The following LPCAT3 variants were observed in gnomAD, a reference collection of about 807,000 sequenced individuals.
The protein encoded by LPCAT3 is lysophospholipid acyltransferase 5.
In LPCAT3, 21 loss-of-function variants were observed where a neutral mutation model predicts 63.4. The observed-to-expected ratio is 0.33, with a 90% CI of 0.23 to 0.48. The LOEUF (loss-of-function observed/expected upper bound fraction) is 0.48, where lower values mean the gene tolerates loss of function less well. LPCAT3 is among the 20% of genes least tolerant of loss of function. LPCAT3 has a pLI of 0.99. For synonymous variants in LPCAT3, 242 were observed against 227.5 expected, an observed-to-expected ratio of 1.06 and a Z score of -0.58; for missense variants, 451 against 590.6, an observed-to-expected ratio of 0.76 and a Z score of 2.45.
chr12:6,981,185 A>G lies in LPCAT3; in HGVS notation c.499-3T>C, dbSNP rs781946594. 1 of 1,604,002 alleles carries G rather than the reference A, an allele frequency of 6.2e-7. No homozygotes were observed. Among genetic ancestry groups the G allele is most frequent in the Non-Finnish European group, 8.5e-7 (1 of 1,175,462 alleles). ...TGTTGCTCAGAGGACAAGGAATTCTATGCCAAGAAGAGAATGCATGGTTCA... is the reference window on the plus strand; with the variant it reads ...TGTTGCTCAGAGGACAAGGAATTCTGTGCCAAGAAGAGAATGCATGGTTCA... On this transcript the variant is annotated splice_polypyrimidine_tract_variant and splice_region_variant and intron_variant, in intron 5 of 12. Coordinates refer to ENST00000261407, the MANE Select transcript of LPCAT3 (RefSeq NM_005768.6).
intron 2 of LPCAT3, 154 bp from the exon 3 acceptor site, chr12:6,982,936 T>C (rs1001911356): frequency 3.0e-6 from 2 of 667,162 alleles, no homozygotes; most frequent in African/African-American, 3.7e-5. Context: ...GGAAATTATT[T>C]ATTAAAATAA....
At chr12:6,996,808 C>T (rs1946639194) in intron 1 of LPCAT3, among the ~76,000 whole-genome samples, 1 of 152,164 alleles carries the variant, frequency 6.6e-6, no homozygotes, top group Admixed American at 6.5e-5. Context: ...CAATCTCGAC[C>T]ACAGTGGTCG....
rs1231469366 is a variant in LPCAT3 at position 7,009,353 on chromosome 12, G to A, written c.151+8921C>T. Among the ~76,000 whole-genome samples, 6 of 152,160 alleles carry A rather than the reference G, an allele frequency of 3.9e-5. No homozygotes were observed. In the South Asian group the frequency reaches 1.0e-3, roughly 26 times the overall value. On this transcript the variant is annotated intron_variant, in intron 1 of 12. Transcript: ENST00000261407. Reference sequence around the variant, plus strand: ...TGGGATTACAGGCGTGAGCCACCGCGCCTGGCCAATGACATTCCAAAAAGG... The same window carrying A: ...TGGGATTACAGGCGTGAGCCACCGCACCTGGCCAATGACATTCCAAAAAGG...
chr12:6,995,786 C>T (rs1946631453), intron 1 of LPCAT3, among the ~76,000 whole-genome samples: 2 of 152,168 alleles, frequency 1.3e-5, no homozygotes, highest in Admixed American at 6.6e-5. Flanking sequence ...GTCAGCAATC[C>T]TGTCTGTTCT....
chr12:6,979,141 G>A (rs946648255), intron 7 of LPCAT3: 1 of 356,704 alleles, frequency 2.8e-6, no homozygotes, highest in South Asian at 4.2e-5. Context: ...AAATGTATCA[G>A]TCAAGAGAAG....
At chr12:7,004,820 A>G (rs782751171) in intron 1 of LPCAT3, among the ~76,000 whole-genome samples, 1 of 152,204 alleles carries the variant, frequency 6.6e-6, no homozygotes. Context: ...CCTACGATCT[A>G]TAAGATGAAA....
intron 1 of LPCAT3, among the ~76,000 whole-genome samples, chr12:7,012,655 A>G (rs1237780686): frequency 2.0e-5 from 3 of 152,164 alleles, no homozygotes; most frequent in African/African-American, 7.2e-5. Flanking sequence ...GTCAGTTATG[A>G]TACCAATACT....
At chr12:6,991,863 G>A (rs1946592966) in intron 1 of LPCAT3, among the ~76,000 whole-genome samples, 1 of 152,042 alleles carries the variant, frequency 6.6e-6, no homozygotes, top group African/African-American at 2.4e-5. Flanking sequence ...CAGCAGAGGC[G>A]GTTTATGCAT....
At chr12:6,979,372 G>T (rs1181712220) in intron 7 of LPCAT3, 99 bp downstream of exon 7, 4 of 866,142 alleles carry the variant, frequency 4.6e-6, no homozygotes, top group Non-Finnish European at 7.5e-6. Context: ...TGCACTTGTA[G>T]ATGATATTTC....
intron 1 of LPCAT3, among the ~76,000 whole-genome samples, chr12:6,999,913 ATTC>A: frequency 8.4e-6 from 1 of 119,220 alleles, no homozygotes; most frequent in South Asian, 2.5e-4. Flanking sequence ...AATTACTTAC[ATTC>A]TTTTTTTTTT....
intron 1 of LPCAT3, chr12:7,001,489 A>C (rs1555156496): frequency 2.2e-6 from 1 of 455,916 alleles, no homozygotes; most frequent in Non-Finnish European, 4.4e-6. Flanking sequence ...AGGTGTTCCT[A>C]ATAATAGGCA....
Position 6,987,843 on chromosome 12 carries a change from G to A in LPCAT3, c.152-4304C>T, listed in dbSNP as rs1946543532. The A allele has an allele frequency of 5.0e-6, 2 of 400,590 alleles. No homozygotes were observed. The highest frequency in any genetic ancestry group is 8.8e-6 in the Non-Finnish European group (2 of 226,222). 24.8% of individuals were successfully genotyped at this position (400,590 alleles called of 1,614,324 possible). ...ATGGCTTTATGACGTTCTGAGGTAT[G>A]TGAAATTGTCTGCCTGACTCTAACA... On this transcript the variant is annotated intron_variant, in intron 1 of 12. Coordinates refer to ENST00000261407, the MANE Select transcript of LPCAT3 (RefSeq NM_005768.6). This position sits in a 1 kb window ranked among gnomAD's most constrained non-coding sequence, Gnocchi z 4.1.
At chr12:6,996,761 T>C in intron 1 of LPCAT3, among the ~76,000 whole-genome samples, 1 of 152,210 alleles carries the variant, frequency 6.6e-6, no homozygotes, top group East Asian at 1.9e-4. Flanking sequence ...GGGCTAACTG[T>C]ATGGAATAGC....
chr12:6,991,550 T>A (rs1401008075), intron 1 of LPCAT3, among the ~76,000 whole-genome samples: 6 of 152,344 alleles, frequency 3.9e-5, no homozygotes, highest in Middle Eastern at 3.4e-3. Flanking sequence ...CTGTATATAT[T>A]GAAAAGTGGT....
At chr12:7,011,293 C>G (rs1414286710) in intron 1 of LPCAT3, among the ~76,000 whole-genome samples, 1 of 152,146 alleles carries the variant, frequency 6.6e-6, no homozygotes, top group Non-Finnish European at 1.5e-5. Context: ...GCTTTGGCCT[C>G]CCAAAGTGCT....
intron 1 of LPCAT3, among the ~76,000 whole-genome samples, chr12:7,012,679 C>T (rs953469117): frequency 6.6e-6 from 1 of 152,218 alleles, no homozygotes; most frequent in Non-Finnish European, 1.5e-5. Flanking sequence ...TCCTAAAACT[C>T]TGTCTTTAGC....
chr12:6,977,784 T>G lies in LPCAT3; in HGVS notation c.1041-39A>C. The G allele has an allele frequency of 1.9e-6, 3 of 1,612,002 alleles. No individual in the cohort carries two copies. Among genetic ancestry groups the G allele is most frequent in the Middle Eastern group, 3.3e-4 (2 of 6,028 alleles). On this transcript the variant is annotated intron_variant, in intron 9 of 12. Transcript: ENST00000261407. This position sits in a 1 kb window ranked among gnomAD's most constrained non-coding sequence, Gnocchi z 4.5. ...TGGGTGGGGCGACCCTCAAACTGAC[T>G]GGTCCTTGCATCCCGCCACCTGCCT... is the stretch of plus-strand genomic sequence containing the variant.
intron 3 of LPCAT3, 33 bp downstream of exon 3, chr12:6,982,643 T>A (rs782352289): frequency 2.6e-6 from 4 of 1,520,530 alleles, no homozygotes; most frequent in Non-Finnish European, 3.7e-6. Context: ...CGCTGTCAGC[T>A]GTAGCCTGAG....
At chr12:6,995,892 A>G (rs1946632140) in intron 1 of LPCAT3, among the ~76,000 whole-genome samples, 1 of 152,150 alleles carries the variant, frequency 6.6e-6, no homozygotes, top group Admixed American at 6.6e-5. Flanking sequence ...TATTATTAAT[A>G]TATCATTATT....
Sources: allele counts gnomAD v4.1 joint callset (sites outside exome capture counted in the v4.1 genomes callset), GRCh38; gene constraint gnomAD v4.1.1; non-coding constraint Gnocchi (gnomAD v3.1); transcripts MANE v1.5; gene names NCBI Gene and HGNC (gene_info 2026-07-23, HGNC 2026-07-21).